RBM27: variants seen among roughly 807,000 people sequenced by gnomAD.
The protein encoded by RBM27 is RNA-binding protein 27.
In RBM27, 22 loss-of-function variants were observed where a neutral mutation model predicts 135.3. The observed-to-expected ratio is 0.16, with a 90% CI of 0.12 to 0.23. The LOEUF is 0.23. Among genes scored for constraint, RBM27 ranks in the 10% least tolerant of loss-of-function variants. RBM27 has a pLI of 1.00. For synonymous variants in RBM27, 481 were observed against 442.4 expected (o/e 1.09, Z -1.10); for missense variants, 1,009 against 1,281.0 (o/e 0.79, Z 3.24).
Position 146,288,509 on chromosome 5 carries a change from C to T in RBM27, c.*2479C>T, listed in dbSNP as rs897290712. 1.3e-5 allele frequency: 2 copies of T among 151,948 alleles called. No individual in the cohort carries two copies. Among genetic ancestry groups the T allele is most frequent in the African/African-American group, 4.8e-5 (2 of 41,386 alleles). 9.4% of individuals were successfully genotyped at this position (151,948 alleles called of 1,614,324 possible). On this transcript the variant is annotated 3_prime_UTR_variant, in exon 21 of 21. Coordinates refer to ENST00000265271, the MANE Select transcript of RBM27 (RefSeq NM_018989.2). ...AGCATAAAATAGTTTATATATATCC[C>T]CTGCCCCCTTTGGGATTTACTTCCA... is the stretch of plus-strand genomic sequence containing the variant.
chr5:146,221,126 C>T (rs1300853722), intron 2 of RBM27, among the ~76,000 whole-genome samples: 1 of 138,132 alleles, frequency 7.2e-6, no homozygotes, highest in Non-Finnish European at 1.5e-5. Flanking sequence ...CAGGCCTGGA[C>T]GACAGAGCAA....
chr5:146,259,979 CAAAAAAAAAA>C (rs34781548), intron 11 of RBM27, among the ~76,000 whole-genome samples: 1 of 35,284 alleles, frequency 2.8e-5, no homozygotes, highest in African/African-American at 1.8e-4. Context: ...GACTCCGTCT[CAAAAAAAAAA>C]AAAAAAAAAA....
chr5:146,261,586 G>A lies in RBM27; in HGVS notation c.1970G>A (p.Ser657Asn). The part of the protein sequence containing the change: ...TNEEARKAIS[S>N]TEAVLNNRFI... Reference sequence around the variant, plus strand: ...GAGGAGGCCAGGAAAGCCATTTCTAGCACAGAAGCAGTTCTAAACAACCGA... The same window carrying A: ...GAGGAGGCCAGGAAAGCCATTTCTAACACAGAAGCAGTTCTAAACAACCGA... The change falls in exon 13 of 21, where the codon AGC (serine) becomes AAC (asparagine). Residue 657 changes from serine to asparagine, a missense_variant. Ser to Asn is a conservative substitution (Grantham distance 46). Around this residue, in one of 6 missense-constraint regions of RBM27, gnomAD observed 34 missense variants for 82.8 expected, o/e 0.41. Coordinates refer to ENST00000265271, the MANE Select transcript of RBM27 (RefSeq NM_018989.2). The A allele has an allele frequency of 6.2e-7, 1 of 1,614,198 alleles. No individual in the cohort carries two copies. Among genetic ancestry groups the A allele is most frequent in the Non-Finnish European group, 8.5e-7 (1 of 1,180,028 alleles).
chr5:146,243,373 C>T (rs1284946095), intron 8 of RBM27, among the ~76,000 whole-genome samples: 1 of 152,176 alleles, frequency 6.6e-6, no homozygotes, highest in Non-Finnish European at 1.5e-5. Context: ...TTTCTAAATA[C>T]AGGTCAAGCA....
intron 19 of RBM27, among the ~76,000 whole-genome samples, chr5:146,277,770 G>A (rs2126904288): frequency 6.6e-6 from 1 of 151,410 alleles, no homozygotes; most frequent in African/African-American, 2.4e-5. Flanking sequence ...CTGATCTCAG[G>A]TGACCTCCCA....
intron 8 of RBM27, among the ~76,000 whole-genome samples, chr5:146,238,685 G>A (rs1757272971): frequency 6.7e-6 from 1 of 148,508 alleles, no homozygotes; most frequent in South Asian, 2.1e-4. Context: ...ACAAGGCCTG[G>A]TAACTTTATG....
Position 146,271,488 on chromosome 5 carries a change from A to T in RBM27, c.2802A>T (p.Ala934=). 1 of 1,609,888 alleles carries T rather than the reference A, an allele frequency of 6.2e-7. No individual in the cohort carries two copies. Among genetic ancestry groups the T allele is most frequent in the Non-Finnish European group, 8.5e-7 (1 of 1,176,602 alleles). Residue 934 remains alanine (A), a synonymous_variant, in exon 19 of 21, where the codon GCA becomes GCT. Coordinates refer to ENST00000265271, the MANE Select transcript of RBM27 (RefSeq NM_018989.2). ...TACTTTTTGTTGTTATTCAGGCTGC[A>T]CGGTTAGGTATTTTACCTGTGGGTC... is the stretch of plus-strand genomic sequence containing the variant. ...KKLSQLQVEA[A]RLGILPVGRG...
intron 14 of RBM27, 26 bp from the exon 15 acceptor site, chr5:146,267,623 G>GT: frequency 7.4e-7 from 1 of 1,343,946 alleles, no homozygotes; most frequent in Non-Finnish European, 1.0e-6. Context: ...ATTTGTGTGT[G>GT]CTTTTTTTTT....
At chr5:146,220,247 G>A (rs1756388892) in intron 2 of RBM27, among the ~76,000 whole-genome samples, 1 of 152,166 alleles carries the variant, frequency 6.6e-6, no homozygotes, top group South Asian at 2.1e-4. Context: ...GGAGGCCGAA[G>A]CGGGTGGATC....
Position 146,251,352 on chromosome 5 carries a change from G to T in RBM27, c.1280-359G>T, listed in dbSNP as rs75805492. 3.3e-3 allele frequency among the ~76,000 whole-genome samples: 497 copies of T among 152,094 alleles called. 8 individuals are homozygous for T. In the East Asian group the frequency reaches 0.058, roughly 18 times the overall value. On this transcript the variant is annotated intron_variant, in intron 8 of 20. Transcript: ENST00000265271. ...AGTTTTCATACCTGCATATCTCATTGGATAGAAAAATTCTGTGTAATTAAT... is the reference window on the plus strand; with the variant it reads ...AGTTTTCATACCTGCATATCTCATTTGATAGAAAAATTCTGTGTAATTAAT...
chr5:146,259,830 G>A (rs1285056547), intron 11 of RBM27, among the ~76,000 whole-genome samples: 1 of 149,562 alleles, frequency 6.7e-6, no homozygotes, highest in Non-Finnish European at 1.5e-5. Flanking sequence ...AAAATTAGCC[G>A]GGCGCAGTGG....
rs537071026 is a variant in RBM27, at chr5:146,246,482, A to T, written c.1280-5229A>T. Among the ~76,000 whole-genome samples the T allele has an allele frequency of 1.2e-4, 18 of 152,320 alleles. No homozygotes were observed. In the East Asian group the frequency reaches 3.3e-3, roughly 28 times the overall value. ...AATGAATATAAATTCTGACAGACTG[A>T]TCTTCACCATTACTGTAACCTATTT... On this transcript the variant is annotated intron_variant, in intron 8 of 20. Transcript: ENST00000265271.
rs1311935803 is a variant in RBM27, at chr5:146,214,597, A to G, written c.60-4388A>G. Among the ~76,000 whole-genome samples the G allele has an allele frequency of 3.3e-5, 5 of 152,290 alleles. No individual in the cohort carries two copies. In the South Asian group the frequency reaches 6.2e-4, roughly 19 times the overall value. ...TTAGAGATTATATAGTGAGGGGTCA[A>G]TGGGTGAAAGAATAAGAATAATTGT... On this transcript the variant is annotated intron_variant, in intron 1 of 20. Transcript: ENST00000265271.
At chr5:146,254,770 A>G (rs1170903837) in intron 9 of RBM27, among the ~76,000 whole-genome samples, 173 bp from the exon 10 acceptor site, 1 of 152,212 alleles carries the variant, frequency 6.6e-6, no homozygotes, top group African/African-American at 2.4e-5. Flanking sequence ...GCATTTTTAT[A>G]TCTGCGGGAG....
chr5:146,280,686 C>T (rs1033240127), intron 19 of RBM27, among the ~76,000 whole-genome samples: 3 of 152,038 alleles, frequency 2.0e-5, no homozygotes, highest in African/African-American at 7.2e-5. Context: ...TATTTGTAAC[C>T]CCAAAATCAA....
rs372865096 is a variant in RBM27 at position 146,230,742 on chromosome 5, T to C, written c.675T>C (p.Ser225=). 8 of 1,613,924 alleles carry C rather than the reference T, an allele frequency of 5.0e-6. No homozygotes were observed. The highest frequency in any genetic ancestry group is 1.1e-5 in the South Asian group (1 of 91,082). ...CTGTGTCTGCACCACCTCCAAACTCTTCTGAGCAGTATTCCTCTGGGGCAC... is the reference window on the plus strand; with the variant it reads ...CTGTGTCTGCACCACCTCCAAACTCCTCTGAGCAGTATTCCTCTGGGGCAC... ...YVPVSAPPPN[S]SEQYSSGAQS... Residue 225 remains serine (S), a synonymous_variant, in exon 6 of 21, where the codon TCT becomes TCC. Coordinates refer to ENST00000265271, the MANE Select transcript of RBM27 (RefSeq NM_018989.2).
rs76164913 is a variant in RBM27 at position 146,283,392 on chromosome 5, C to T, written c.2989-1230C>T. On this transcript the variant is annotated intron_variant, in intron 19 of 20. Transcript: ENST00000265271. ...CCGTCTATAAAAATAAAAAAATTAG[C>T]CAGGTGAGGTGGTGCATGCCTGTGG... Among the ~76,000 whole-genome samples, 66 of 152,120 alleles carry T rather than the reference C, an allele frequency of 4.3e-4. 1 individual carries two copies. Among genetic ancestry groups the T allele is most frequent in the African/African-American group, 1.6e-3 (65 of 41,488 alleles).
intron 1 of RBM27, among the ~76,000 whole-genome samples, chr5:146,216,133 T>C (rs537935613): frequency 1.3e-5 from 2 of 152,182 alleles, no homozygotes; most frequent in African/African-American, 2.4e-5. Flanking sequence ...CTCGGCTCAC[T>C]GCAAACTCCA....
rs753050060 is a variant in RBM27, at chr5:146,284,587, T to C, written c.2989-35T>C. 3.0e-6 allele frequency: 4 copies of C among 1,348,966 alleles called. No individual in the cohort carries two copies. In the East Asian group the frequency reaches 9.2e-5, roughly 31 times the overall value. 83.6% of individuals were successfully genotyped at this position (1,348,966 alleles called of 1,614,324 possible). A position where few individuals can be genotyped will look rare whatever the true frequency, so the allele number is the denominator to read the frequency against. ...TGCAGAAATCATTAGTAAATTTGAGTGCAAACTTGTATGTTCTTCTAATAT... is the reference window on the plus strand; with the variant it reads ...TGCAGAAATCATTAGTAAATTTGAGCGCAAACTTGTATGTTCTTCTAATAT... On this transcript the variant is annotated intron_variant, in intron 19 of 20. Transcript: ENST00000265271.
Sources: gnomAD v4.1 joint callset for allele counts (sites outside exome capture counted in the v4.1 genomes callset) on GRCh38, gnomAD v4.1.1 for gene constraint, gnomAD v4.1.1 regional missense constraint, MANE v1.5 for transcripts, NCBI Gene and HGNC (gene_info 2026-07-23, HGNC 2026-07-21) for gene names.